Variants in MAGI2 observed in about 807,000 individuals in gnomAD.
The protein encoded by MAGI2 is membrane-associated guanylate kinase, WW and PDZ domain-containing protein 2.
In MAGI2, 35 loss-of-function variants were observed where a neutral mutation model predicts 133.3. The ratio of observed to expected loss-of-function variants is 0.26; its 90% confidence interval spans 0.20 to 0.35. The LOEUF is 0.35. MAGI2 is among the 10% of genes least tolerant of loss of function. The pLI, the probability that MAGI2 is intolerant of heterozygous loss-of-function variation, is 1.00. For synonymous variants in MAGI2, 729 were observed against 710.6 expected, an observed-to-expected ratio of 1.03 and a Z score of -0.41; for missense variants, 1,636 against 1,863.4, an observed-to-expected ratio of 0.88 and a Z score of 2.25.
At chr7:79,060,084 G>GC (rs1263362313) in intron 1 of MAGI2, among the ~76,000 whole-genome samples, 4 of 151,940 alleles carry the variant, frequency 2.6e-5, no homozygotes. Context: ...GAAATCAATG[G>GC]CCTTTTTTTA....
rs572261994 is a variant in MAGI2 at position 78,836,199 on chromosome 7, A to G, written c.418+170891T>C. 9.2e-5 allele frequency among the ~76,000 whole-genome samples: 14 copies of G among 152,296 alleles called. No individual in the cohort carries two copies. In the East Asian group the frequency reaches 2.5e-3, roughly 27 times the overall value. On this transcript the variant is annotated intron_variant, in intron 2 of 21. Coordinates refer to ENST00000354212, the MANE Select transcript of MAGI2 (RefSeq NM_012301.4). ...TTCCAACATGATGCAAATGAATTCCATTTTCTCACCTCCACCTTTCTTACA... is the reference window on the plus strand; with the variant it reads ...TTCCAACATGATGCAAATGAATTCCGTTTTCTCACCTCCACCTTTCTTACA...
chr7:79,171,033 G>C (rs1379302794), intron 1 of MAGI2, among the ~76,000 whole-genome samples: 1 of 152,046 alleles, frequency 6.6e-6, no homozygotes, highest in Non-Finnish European at 1.5e-5. Flanking sequence ...TGTTTTTAAA[G>C]AGTAAAGTCA....
chr7:78,135,849 G>T (rs772566355), intron 16 of MAGI2, among the ~76,000 whole-genome samples: 1 of 152,024 alleles, frequency 6.6e-6, no homozygotes, highest in Non-Finnish European at 1.5e-5. Context: ...TCTTCTTTTT[G>T]ATTTACTTTT....
intron 2 of MAGI2, among the ~76,000 whole-genome samples, chr7:78,923,225 T>G (rs1799404950): frequency 6.6e-6 from 1 of 152,212 alleles, no homozygotes; most frequent in African/African-American, 2.4e-5. Flanking sequence ...ATTTTGGCTT[T>G]TGTTGCCATT....
intron 1 of MAGI2, among the ~76,000 whole-genome samples, chr7:79,208,797 T>C (rs890451283): frequency 7.2e-5 from 11 of 151,978 alleles, no homozygotes; most frequent in African/African-American, 2.4e-4. Flanking sequence ...CATCAGTGGA[T>C]GAGTTTCTGA....
Position 78,033,456 on chromosome 7 carries a change from C to A in MAGI2, c.3707-13480G>T, listed in dbSNP as rs117549478. Among the ~76,000 whole-genome samples the A allele has an allele frequency of 4.6e-3, 576 of 124,442 alleles. 3 individuals carry two copies. The highest frequency in any genetic ancestry group is 7.1e-3 in the Non-Finnish European group (439 of 61,972). 81.6% of individuals were successfully genotyped at this position (124,442 alleles called of 152,430 possible). ...CCACTGCACTCTAGCCTGAGCAACA[C>A]AGTAAGAGCTTGTCTCAAAAAAAAA... On this transcript the variant is annotated intron_variant, in intron 21 of 21. Transcript: ENST00000354212.
At chr7:79,263,331 T>G (rs1834212546) in intron 1 of MAGI2, among the ~76,000 whole-genome samples, 1 of 151,976 alleles carries the variant, frequency 6.6e-6, no homozygotes, top group Non-Finnish European at 1.5e-5. Context: ...TAATCCTATT[T>G]CACCGGTATG....
chr7:78,600,361 G>A (rs1805067438), intron 3 of MAGI2, among the ~76,000 whole-genome samples: 2 of 151,972 alleles, frequency 1.3e-5, no homozygotes, highest in Admixed American at 6.6e-5. Context: ...ATAAAAAGCT[G>A]AAATCTAGAG....
At chr7:79,267,587 T>A (rs1344724401) in intron 1 of MAGI2, among the ~76,000 whole-genome samples, 3 of 152,214 alleles carry the variant, frequency 2.0e-5, no homozygotes, top group Non-Finnish European at 4.4e-5. Flanking sequence ...GTTGCTTAAG[T>A]TGCTGCCATA....
chr7:78,651,645 A>G (rs1053218326), intron 2 of MAGI2, among the ~76,000 whole-genome samples: 1 of 152,158 alleles, frequency 6.6e-6, no homozygotes, highest in Non-Finnish European at 1.5e-5. Context: ...TAGATTATGT[A>G]TATTCTATAT....
At chr7:78,536,660 A>T (rs1797960623) in intron 3 of MAGI2, among the ~76,000 whole-genome samples, 1 of 151,816 alleles carries the variant, frequency 6.6e-6, no homozygotes, top group Non-Finnish European at 1.5e-5. Context: ...CCCTTATCTC[A>T]TTTGGAAATA....
intron 10 of MAGI2, chr7:78,254,073 C>A (rs888767036): frequency 6.6e-6 from 1 of 152,194 alleles, no homozygotes; most frequent in Non-Finnish European, 1.5e-5. Context: ...AAAACCAATT[C>A]CCTCATCCCC....
intron 21 of MAGI2, among the ~76,000 whole-genome samples, chr7:78,025,470 A>G (rs747991952): frequency 1.3e-5 from 2 of 152,220 alleles, no homozygotes; most frequent in African/African-American, 2.4e-5. Context: ...ATCACAGTGT[A>G]TTTAATAACT....
At chr7:79,125,001 A>G in intron 1 of MAGI2, 1 of 249,538 alleles carries the variant, frequency 4.0e-6, no homozygotes, top group South Asian at 4.9e-5. Context: ...AAGAGGGCCA[A>G]CTCAAGAGAA....
At chr7:79,347,157 G>C (rs1421514455) in intron 1 of MAGI2, among the ~76,000 whole-genome samples, 2 of 151,880 alleles carry the variant, frequency 1.3e-5, no homozygotes. Flanking sequence ...TTTACAAGGA[G>C]CCTGTTCCAT....
At position 78,528,786 on chromosome 7, in the gene MAGI2, C is replaced by A. The variant is rs577188446; in HGVS notation, c.539-7141G>T. Among the ~76,000 whole-genome samples, 89 of 152,186 alleles carry A rather than the reference C, an allele frequency of 5.8e-4. 1 individual carries two copies. The highest frequency in any genetic ancestry group is 2.0e-3 in the African/African-American group (85 of 41,530). On this transcript the variant is annotated intron_variant, in intron 3 of 21. Transcript: ENST00000354212. ...AGCTTGAAACCAAGATGCAGAAACT[C>A]CCTGACCTCGAAAGATAATGTCTTT... is the stretch of plus-strand genomic sequence containing the variant.
chr7:79,378,152 G>A (rs1299790780), intron 1 of MAGI2, among the ~76,000 whole-genome samples: 1 of 151,760 alleles, frequency 6.6e-6, no homozygotes, highest in African/African-American at 2.4e-5. Context: ...TGATTTGGTG[G>A]ATGCTGCTCA....
At chr7:78,300,341 T>C (rs913775652) in intron 9 of MAGI2, among the ~76,000 whole-genome samples, 5 of 152,194 alleles carry the variant, frequency 3.3e-5, no homozygotes, top group Non-Finnish European at 5.9e-5. Context: ...TTTATGCATT[T>C]AAAAGCATTA....
At chr7:79,052,742 A>G (rs1272208864) in intron 1 of MAGI2, among the ~76,000 whole-genome samples, 1 of 152,242 alleles carries the variant, frequency 6.6e-6, no homozygotes, top group African/African-American at 2.4e-5. Context: ...TTTACACATT[A>G]TAAGACTGAA....
Sources: gnomAD v4.1 joint callset for allele counts (sites outside exome capture counted in the v4.1 genomes callset) on GRCh38, gnomAD v4.1.1 for gene constraint, MANE v1.5 for transcripts, NCBI Gene and HGNC (gene_info 2026-07-23, HGNC 2026-07-21) for gene names.